PDE4D: variants seen among roughly 807,000 people sequenced by gnomAD.
PDE4D encodes phosphodiesterase 4D, also known as 3',5'-cyclic-AMP phosphodiesterase 4D.
Under a neutral mutation model 87.4 loss-of-function variants are expected in PDE4D, and 24 were observed. The observed-to-expected ratio is 0.27, with a 90% CI of 0.20 to 0.39. The LOEUF is 0.39. Ranked by LOEUF, PDE4D falls within the 10% of genes least tolerant of loss-of-function variation. PDE4D has a pLI of 1.00. For missense variants in PDE4D, 714 were observed against 1,041.0 expected, an observed-to-expected ratio of 0.69 and a Z score of 4.32; for synonymous variants, 384 against 383.2, an observed-to-expected ratio of 1.00 and a Z score of -0.02.
chr5:59,304,686 G>A (rs751266037), intron 1 of PDE4D, among the ~76,000 whole-genome samples: 2 of 152,030 alleles, frequency 1.3e-5, no homozygotes, highest in Non-Finnish European at 2.9e-5. Flanking sequence ...CTGTTTATGT[G>A]GTGTATCACA....
intron 2 of PDE4D, among the ~76,000 whole-genome samples, chr5:60,034,653 C>A (rs78726098): frequency 0.15 from 22,774 of 152,100 alleles, 1,739 homozygotes; most frequent in Middle Eastern, 0.23. Flanking sequence ...ATGGAAATTA[C>A]GACTTGGATA....
intron 1 of PDE4D, among the ~76,000 whole-genome samples, chr5:60,401,931 T>G (rs949573201): frequency 6.6e-6 from 1 of 152,188 alleles, no homozygotes; most frequent in Non-Finnish European, 1.5e-5. Flanking sequence ...TTTAAAGCAC[T>G]ATGAAATGAA....
intron 1 of PDE4D, among the ~76,000 whole-genome samples, chr5:60,230,581 T>C (rs545548337): frequency 3.3e-5 from 5 of 152,246 alleles, no homozygotes; most frequent in African/African-American, 2.4e-5. Context: ...TGATTTTAAC[T>C]GAGGTTGACA....
At chr5:59,823,662 C>G (rs1769971680) in intron 1 of PDE4D, among the ~76,000 whole-genome samples, 1 of 152,062 alleles carries the variant, frequency 6.6e-6, no homozygotes, top group African/African-American at 2.4e-5. Flanking sequence ...AGGAACTCTT[C>G]TGTAGTTTCT....
At chr5:59,840,526 T>A (rs939379802) in intron 1 of PDE4D, among the ~76,000 whole-genome samples, 6 of 152,040 alleles carry the variant, frequency 3.9e-5, no homozygotes, top group African/African-American at 1.4e-4. Context: ...AGAGAGTATG[T>A]CTGGTGTTGG....
chr5:59,892,594 C>T lies in PDE4D; in HGVS notation c.455+574G>A, dbSNP rs922662522. On this transcript the variant is annotated intron_variant, in intron 1 of 14. Transcript: ENST00000340635. ...TTCTCCCCTTTTGCTATTCAATTTACTTCTCCACCTGACGAAGAGAAATGC... is the reference window on the plus strand; with the variant it reads ...TTCTCCCCTTTTGCTATTCAATTTATTTCTCCACCTGACGAAGAGAAATGC... 2.0e-5 allele frequency among the ~76,000 whole-genome samples: 3 copies of T among 152,158 alleles called. No individual in the cohort carries two copies. The East Asian group carries it at 5.8e-4, about 29-fold the overall frequency.
At chr5:59,912,375 A>C (rs1299897805) in intron 3 of PDE4D, among the ~76,000 whole-genome samples, 1 of 152,230 alleles carries the variant, frequency 6.6e-6, no homozygotes, top group African/African-American at 2.4e-5. Flanking sequence ...GAAAATGTCA[A>C]GAGGAAGCAG....
intron 1 of PDE4D, among the ~76,000 whole-genome samples, chr5:59,876,780 T>C (rs1384517000): frequency 6.6e-6 from 1 of 152,158 alleles, no homozygotes; most frequent in Non-Finnish European, 1.5e-5. Flanking sequence ...TAAATAATGA[T>C]CTATAAATGG....
In PDE4D at chr5:60,180,939, T is replaced by A. The variant is rs16877725; in HGVS notation, c.42+4618A>T. The stretch of plus-strand genomic sequence containing the variant: ...AGGATTCTAAGCTGCAACAGCTTTG[T>A]CAATCTCGTAGCTTAGGTGGGGTTG... On this transcript the variant is annotated intron_variant, in intron 2 of 16. Transcript: ENST00000502484. 7.8e-3 allele frequency among the ~76,000 whole-genome samples: 1,183 copies of A among 152,266 alleles called. 13 individuals carry two copies. The highest frequency in any genetic ancestry group is 0.027 in the African/African-American group (1,126 of 41,568).
At chr5:60,220,807 T>C (rs1347097126) in intron 1 of PDE4D, among the ~76,000 whole-genome samples, 2 of 152,200 alleles carry the variant, frequency 1.3e-5, no homozygotes, top group Non-Finnish European at 2.9e-5. Flanking sequence ...TATCAAAGCA[T>C]AGTGAAATAC....
At chr5:60,237,132 T>C (rs994503346) in intron 1 of PDE4D, among the ~76,000 whole-genome samples, 1 of 151,874 alleles carries the variant, frequency 6.6e-6, no homozygotes, top group African/African-American at 2.4e-5. Context: ...CTCTCACATG[T>C]CATTAAGGGA....
intron 1 of PDE4D, among the ~76,000 whole-genome samples, chr5:59,440,628 TA>T (rs1797466917): frequency 6.6e-6 from 1 of 152,102 alleles, no homozygotes; most frequent in Non-Finnish European, 1.5e-5. Context: ...AATACAAAAT[TA>T]GCTGTGCATA....
chr5:59,801,936 G>A (rs974607605), intron 1 of PDE4D, among the ~76,000 whole-genome samples: 1 of 152,066 alleles, frequency 6.6e-6, no homozygotes, highest in Non-Finnish European at 1.5e-5. Flanking sequence ...TTTGTGCAAC[G>A]TGCAAATGAC....
intron 1 of PDE4D, among the ~76,000 whole-genome samples, chr5:59,891,533 T>A (rs753189429): frequency 3.3e-5 from 5 of 152,190 alleles, no homozygotes; most frequent in Non-Finnish European, 7.3e-5. Flanking sequence ...GTCTTAGCAG[T>A]CTTGGCTGAA....
At chr5:59,945,674 C>T (rs1028740105) in intron 3 of PDE4D, among the ~76,000 whole-genome samples, 2 of 152,112 alleles carry the variant, frequency 1.3e-5, no homozygotes, top group Non-Finnish European at 2.9e-5. Flanking sequence ...CTGTTAGAGA[C>T]CTTGATAAGA....
At chr5:59,325,852 A>AT (rs71946065) in intron 1 of PDE4D, among the ~76,000 whole-genome samples, 9,771 of 150,524 alleles carry the variant, frequency 0.065, 429 homozygotes, top group South Asian at 0.13. Flanking sequence ...TCTACTCTAG[A>AT]TTTTTTTTTT....
chr5:60,468,137 C>CTTTTTTTTTTTT (rs570783072), intron 1 of PDE4D, among the ~76,000 whole-genome samples: 7 of 141,218 alleles, frequency 5.0e-5, no homozygotes, highest in African/African-American at 5.4e-5. Flanking sequence ...TTTCTTTTTT[C>CTTTTTTTTTTTT]TTTTTTTTTT....
At chr5:60,437,203 A>G (rs761029142) in intron 1 of PDE4D, among the ~76,000 whole-genome samples, 3 of 152,102 alleles carry the variant, frequency 2.0e-5, no homozygotes, top group Non-Finnish European at 2.9e-5. Context: ...AAGGTACTCA[A>G]TAAACACTGG....
intron 1 of PDE4D, among the ~76,000 whole-genome samples, chr5:59,486,492 AACAT>A (rs1278113603): frequency 6.6e-6 from 1 of 152,212 alleles, no homozygotes; most frequent in African/African-American, 2.4e-5. Context: ...GGTTAATAAT[AACAT>A]ACAACACTTA....
Sources: allele counts gnomAD v4.1 joint callset (sites outside exome capture counted in the v4.1 genomes callset), GRCh38; gene constraint gnomAD v4.1.1; transcripts MANE v1.5; gene names NCBI Gene and HGNC (gene_info 2026-07-23, HGNC 2026-07-21).